The following TYMS variants were observed in gnomAD, a reference collection of about 807,000 sequenced individuals.
The protein encoded by TYMS is thymidylate synthase.
In TYMS, 21 loss-of-function variants were observed where a neutral mutation model predicts 39.3. The ratio of observed to expected loss-of-function variants is 0.54; its 90% CI spans 0.38 to 0.77. The LOEUF is 0.77. TYMS is among the 30% of genes least tolerant of loss of function. TYMS has a pLI of 0.00. For synonymous variants in TYMS, 171 were observed against 162.2 expected (o/e 1.05, Z -0.41); for missense variants, 273 against 406.7 (o/e 0.67, Z 2.83).
chr18:671,334 G>T (rs780332234), intron 5 of TYMS, 46 bp from the exon 6 acceptor site: 1 of 1,225,978 alleles, frequency 8.2e-7, no homozygotes, highest in Admixed American at 1.7e-5. Context: ...ATGTTTTAAA[G>T]AATTGAAACT....
intron 6 of TYMS, chr18:672,593 T>C (rs959490610): frequency 3.5e-6 from 1 of 282,206 alleles, no homozygotes; most frequent in African/African-American, 2.2e-5. Context: ...TTGCCAAGAG[T>C]GGTTATAAGA....
chr18:664,881 G>T (rs1246160447), intron 3 of TYMS, among the ~76,000 whole-genome samples: 2 of 140,852 alleles, frequency 1.4e-5, no homozygotes, highest in African/African-American at 5.7e-5. Flanking sequence ...CATGATCATG[G>T]TGGATAAGCT....
At chr18:667,191 AGATGGTGATGGT>A (rs1310449953) in intron 3 of TYMS, among the ~76,000 whole-genome samples, 9 of 40,012 alleles carry the variant, frequency 2.2e-4, no homozygotes, top group Non-Finnish European at 3.4e-4. Context: ...ATGGTGATGG[AGATGGTGATGGT>A]GATGGTGATG....
Position 658,046 on chromosome 18 carries a change from T to G in TYMS, c.205+99T>G, listed in dbSNP as rs1367460610. 7.0e-6 allele frequency: 11 copies of G among 1,565,794 alleles called. No individual in the cohort carries two copies. Among genetic ancestry groups the G allele is most frequent in the Non-Finnish European group, 7.8e-6 (9 of 1,157,994 alleles). Reference sequence around the variant, plus strand: ...GCCGGGCGCTGCGGACCCCGTTTAGTCCTAACCTCAATCCTGCGAGGGAGG... The same window carrying G: ...GCCGGGCGCTGCGGACCCCGTTTAGGCCTAACCTCAATCCTGCGAGGGAGG... On this transcript the variant is annotated intron_variant, in intron 1 of 6. Coordinates refer to ENST00000323274, the MANE Select transcript of TYMS (RefSeq NM_001071.4). The surrounding 1 kb of genome is among the most constrained non-coding windows in gnomAD (Gnocchi z 4.5).
rs772892448 is a variant in TYMS at position 670,669 on chromosome 18, A to G, written c.557-23A>G. ...GTCTTTCAAACCACCATCCCTCCTT[A>G]TCTTCCTCTGCTGGTTCCTCAGATC... On this transcript the variant is annotated intron_variant, in intron 4 of 6. Transcript: ENST00000323274. 1.9e-5 allele frequency: 31 copies of G among 1,611,578 alleles called. 1 individual carries two copies. The South Asian group carries it at 2.4e-4, about 13-fold the overall frequency.
chr18:673,083 GAAA>G lies in TYMS; in HGVS notation c.*89_*91del, dbSNP rs1667905581. Reference sequence around the variant, plus strand: ...GGTAAAAGTTCTTTTTGCTCTAAAAGAAAAAGGAACTAGGTCAAAAATCTGTCC... The same window carrying G: ...GGTAAAAGTTCTTTTTGCTCTAAAAGAAGGAACTAGGTCAAAAATCTGTCC... On this transcript the variant is annotated 3_prime_UTR_variant, in exon 7 of 7. Coordinates refer to ENST00000323274, the MANE Select transcript of TYMS (RefSeq NM_001071.4). 2.1e-6 allele frequency: 3 copies of G among 1,397,930 alleles called. No homozygotes were observed. Among genetic ancestry groups the G allele is most frequent in the Non-Finnish European group, 2.9e-6 (3 of 1,052,056 alleles). The allele number at this position is 1,397,930 out of a possible 1,614,324, so 86.6% of individuals were successfully genotyped here.
rs182593349 is a variant in TYMS, at chr18:662,178, G to A, written c.312G>A (p.Lys104=). The part of the protein sequence containing the change: ...GSTNAKELSS[K]GVKIWDANGS... ...CAAATGCTAAAGAGCTGTCTTCCAA[G>A]GGAGTGAAAATCTGGGATGCCAATG... Residue 104 remains lysine, a synonymous_variant, in exon 3 of 7, where the codon AAG becomes AAA. Coordinates refer to ENST00000323274, the MANE Select transcript of TYMS (RefSeq NM_001071.4). The A allele has an allele frequency of 3.1e-6, 5 of 1,613,576 alleles. No individual in the cohort carries two copies. Among genetic ancestry groups the A allele is most frequent in the African/African-American group, 1.3e-5 (1 of 75,012 alleles).
At position 658,217 on chromosome 18, in the gene TYMS, G is replaced by A; in HGVS notation, c.205+270G>A. On this transcript the variant is annotated intron_variant, in intron 1 of 6. Transcript: ENST00000323274. This position sits in a 1 kb window ranked among gnomAD's most constrained non-coding sequence, Gnocchi z 4.5. ...CGCGGCCGGGCTCGCAGTCGCCCCA[G>A]TGATGCCGTGGCCCCCGAGGCGGGC... 1 of 1,518,872 alleles carries A rather than the reference G, an allele frequency of 6.6e-7. No individual in the cohort carries two copies. Among genetic ancestry groups the A allele is most frequent in the East Asian group, 2.6e-5 (1 of 37,970 alleles). The allele number at this position is 1,518,872 out of a possible 1,614,324, so 94.1% of individuals were successfully genotyped here.
chr18:666,903 A>AGATGGT (rs753248760), intron 3 of TYMS, among the ~76,000 whole-genome samples: 3 of 60,758 alleles, frequency 4.9e-5, no homozygotes, highest in African/African-American at 9.8e-5. Context: ...ATGGTGATGG[A>AGATGGT]GATGGTGATG....
At chr18:667,131 AGATGGTGATGGTGATGGT>A (rs1179372941) in intron 3 of TYMS, among the ~76,000 whole-genome samples, 40 of 34,750 alleles carry the variant, frequency 1.2e-3, no homozygotes, top group Non-Finnish European at 1.4e-3. Flanking sequence ...ATGGTGATGG[AGATGGTGATGGTGATGGT>A]GATGGTGATG....
chr18:658,429 A>G lies in TYMS; in HGVS notation c.205+482A>G. 1.0e-6 allele frequency: 1 copy of G among 985,076 alleles called. No homozygotes were observed. Among genetic ancestry groups the G allele is most frequent in the Non-Finnish European group, 1.3e-6 (1 of 745,038 alleles). 61.0% of individuals were successfully genotyped at this position (985,076 alleles called of 1,614,324 possible). Reference sequence around the variant, plus strand: ...GCGGGGCAAAGGCGGCGGGAAGAGGAGAGCACTGAAGCTGGCGCGGGAACT... The same window carrying G: ...GCGGGGCAAAGGCGGCGGGAAGAGGGGAGCACTGAAGCTGGCGCGGGAACT... On this transcript the variant is annotated intron_variant, in intron 1 of 6. Coordinates refer to ENST00000323274, the MANE Select transcript of TYMS (RefSeq NM_001071.4). The surrounding 1 kb of genome is among the most constrained non-coding windows in gnomAD (Gnocchi z 4.5).
intron 3 of TYMS, among the ~76,000 whole-genome samples, chr18:667,191 AGATGGTGATGGTGATGGT>A (rs1310449953): frequency 2.5e-5 from 1 of 40,014 alleles, no homozygotes; most frequent in East Asian, 1.2e-3. Context: ...ATGGTGATGG[AGATGGTGATGGTGATGGT>A]GATGGAGATG....
chr18:667,089 T>A (rs201457811), intron 3 of TYMS, among the ~76,000 whole-genome samples: 3 of 50,172 alleles, frequency 6.0e-5, no homozygotes, highest in Non-Finnish European at 6.9e-5. Flanking sequence ...ATGGTGATGG[T>A]GATGGAGATG....
chr18:662,357 G>A, intron 3 of TYMS, 37 bp downstream of exon 3: 1 of 1,556,530 alleles, frequency 6.4e-7, no homozygotes, highest in Non-Finnish European at 8.7e-7. Context: ...TTTCCCGGGT[G>A]CCCTTCCTAG....
chr18:659,828 C>T (rs1296710944), intron 2 of TYMS, 114 bp downstream of exon 2: 9 of 948,036 alleles, frequency 9.5e-6, no homozygotes, highest in East Asian at 4.8e-5. Context: ...GTAATCCCAC[C>T]ACTTTGGGAG....
At chr18:666,273 C>A (rs34007153) in intron 3 of TYMS, among the ~76,000 whole-genome samples, 3,738 of 151,546 alleles carry the variant, frequency 0.025, 159 homozygotes, top group African/African-American at 0.086. Context: ...ATCGGTGGGA[C>A]AAGGGACAAA....
chr18:659,802 G>T lies in TYMS; in HGVS notation c.279+88G>T, dbSNP rs1245956297. ...CTTTCAAAACTCAAAGCAGCCAGGT[G>T]TGGTGGCTCACGCCTGTAATCCCAC... is the stretch of plus-strand genomic sequence containing the variant. On this transcript the variant is annotated intron_variant, in intron 2 of 6. Transcript: ENST00000323274. The T allele has an allele frequency of 3.3e-6, 4 of 1,211,772 alleles. No homozygotes were observed. In the East Asian group the frequency reaches 9.3e-5, roughly 28 times the overall value. The allele number at this position is 1,211,772 out of a possible 1,614,324, so 75.1% of individuals were successfully genotyped here.
chr18:673,062 A>G lies in TYMS; in HGVS notation c.*65A>G, dbSNP rs755140715. The G allele has an allele frequency of 4.2e-6, 6 of 1,435,740 alleles. No homozygotes were observed. The highest frequency in any genetic ancestry group is 5.6e-6 in the Non-Finnish European group (6 of 1,077,506). 88.9% of individuals were successfully genotyped at this position (1,435,740 alleles called of 1,614,324 possible). ...AGGGGTTGGGCTGGATGCCGAGGTA[A>G]AAGTTCTTTTTGCTCTAAAAGAAAA... On this transcript the variant is annotated 3_prime_UTR_variant, in exon 7 of 7. Coordinates refer to ENST00000323274, the MANE Select transcript of TYMS (RefSeq NM_001071.4).
Position 667,601 on chromosome 18 carries a change from T to TGATGGA in TYMS, c.455-1466_455-1465insAGATGG, listed in dbSNP as rs1187568160. The TGATGGA allele has an allele frequency of 4.8e-3, 414 of 86,150 alleles. 113 individuals are homozygous for TGATGGA. The highest frequency in any genetic ancestry group is 0.02 in the African/African-American group (358 of 17,992). 5.3% of individuals were successfully genotyped at this position (86,150 alleles called of 1,614,324 possible). ...GTGATGGTGATGGTGATGGTGATGG[T>TGATGGA]GATGGTGATGGAGATGGGTGATGGT... On this transcript the variant is annotated intron_variant, in intron 3 of 6. Coordinates refer to ENST00000323274, the MANE Select transcript of TYMS (RefSeq NM_001071.4).
Sources: gnomAD v4.1 joint callset for allele counts (sites outside exome capture counted in the v4.1 genomes callset) on GRCh38, gnomAD v4.1.1 for gene constraint, Gnocchi (gnomAD v3.1) non-coding constraint, MANE v1.5 for transcripts, NCBI Gene and HGNC (gene_info 2026-07-23, HGNC 2026-07-21) for gene names.